The following KCNK13 variants were observed in gnomAD, a reference collection of about 807,000 sequenced individuals.
The protein encoded by KCNK13 is potassium two pore domain channel subfamily K member 13.
KCNK13 carries 12 observed loss-of-function variants against 23.4 expected under a neutral mutation model. The observed-to-expected ratio is 0.51, with a 90% confidence interval of 0.33 to 0.83. The LOEUF is 0.83. KCNK13 is among the 40% of genes least tolerant of loss of function. The pLI is 0.02. For synonymous variants in KCNK13, 231 were observed against 229.5 expected, an observed-to-expected ratio of 1.01 and a Z score of -0.06; for missense variants, 463 against 556.3, an observed-to-expected ratio of 0.83 and a Z score of 1.69.
In KCNK13 at chr14:90,119,021, C is replaced by G. The variant is rs767286276; in HGVS notation, c.334+56482C>G. ...AGAAACTGCTTTGAACACCTGTATG[C>G]ACACAAACTAGGAAACCTAAAGAAG... On this transcript the variant is annotated intron_variant, in intron 1 of 1. Transcript: ENST00000282146. Among the ~76,000 whole-genome samples, 36 of 152,188 alleles carry G rather than the reference C, an allele frequency of 2.4e-4. 1 individual carries two copies. Among genetic ancestry groups the G allele is most frequent in the Admixed American group, 6.5e-5 (1 of 15,276 alleles).
intron 1 of KCNK13, among the ~76,000 whole-genome samples, chr14:90,073,022 T>C (rs1286921): frequency 0.55 from 83,206 of 152,014 alleles, 24,476 homozygotes; most frequent in African/African-American, 0.77. Context: ...GCTTCTGTGC[T>C]CCGTCTGAAG....
chr14:90,070,405 C>A (rs970158203), intron 1 of KCNK13, among the ~76,000 whole-genome samples: 3 of 152,146 alleles, frequency 2.0e-5, no homozygotes, highest in Admixed American at 6.5e-5. Flanking sequence ...TCAACTAATT[C>A]TTCCCCCATT....
At chr14:90,074,001 G>A (rs865907355) in intron 1 of KCNK13, among the ~76,000 whole-genome samples, 2 of 149,508 alleles carry the variant, frequency 1.3e-5, no homozygotes, top group South Asian at 4.3e-4. Context: ...TTTGATGGGG[G>A]GACGGAGCCC....
chr14:90,108,718 ACT>A (rs1448154649), intron 1 of KCNK13, among the ~76,000 whole-genome samples: 2 of 152,106 alleles, frequency 1.3e-5, no homozygotes, highest in East Asian at 1.9e-4. Context: ...CGTGTAGAAC[ACT>A]CTGTTATTTA....
At chr14:90,064,252 G>T (rs1221567488) in intron 1 of KCNK13, among the ~76,000 whole-genome samples, 1 of 152,112 alleles carries the variant, frequency 6.6e-6, no homozygotes, top group Non-Finnish European at 1.5e-5. Context: ...GATTTTTTTA[G>T]ATTGAATGGT....
chr14:90,068,461 G>T (rs1889034370), intron 1 of KCNK13, among the ~76,000 whole-genome samples: 1 of 152,046 alleles, frequency 6.6e-6, no homozygotes, highest in Non-Finnish European at 1.5e-5. Flanking sequence ...AGCCAGGTGT[G>T]GTGGTGCAGG....
chr14:90,083,589 A>G (rs1269150463), intron 1 of KCNK13, among the ~76,000 whole-genome samples: 1 of 152,136 alleles, frequency 6.6e-6, no homozygotes, highest in Non-Finnish European at 1.5e-5. Flanking sequence ...GCCCACTTGG[A>G]TGGGATTAAT....
At chr14:90,087,989 A>G (rs1304104414) in intron 1 of KCNK13, among the ~76,000 whole-genome samples, 2 of 151,982 alleles carry the variant, frequency 1.3e-5, no homozygotes, top group Non-Finnish European at 2.9e-5. Context: ...GCTTAAGTTT[A>G]TTTATTTATT....
At chr14:90,179,635 T>A (rs1890463266) in intron 1 of KCNK13, among the ~76,000 whole-genome samples, 1 of 152,160 alleles carries the variant, frequency 6.6e-6, no homozygotes, top group Admixed American at 6.5e-5. Flanking sequence ...CGCCGTTGGT[T>A]CTCGATCCAC....
At chr14:90,137,326 T>C (rs2140426034) in intron 1 of KCNK13, among the ~76,000 whole-genome samples, 1 of 151,918 alleles carries the variant, frequency 6.6e-6, no homozygotes, top group African/African-American at 2.4e-5. Context: ...TATTTATTTT[T>C]ATTTATTTTT....
rs143774295 is a variant in KCNK13, at chr14:90,184,924, G to A, written c.1148G>A (p.Arg383Gln). 1.7e-5 allele frequency: 27 copies of A among 1,613,052 alleles called. No homozygotes were observed. Among genetic ancestry groups the A allele is most frequent in the Admixed American group, 1.0e-4 (6 of 59,984 alleles). Reference sequence around the variant, plus strand: ...CCCCACCAGACCAGCACACTGGCCCGGGACAATGAATTCTCAGGGGGGGTG... The same window carrying A: ...CCCCACCAGACCAGCACACTGGCCCAGGACAATGAATTCTCAGGGGGGGTG... Reference protein sequence around the residue: ...GCPHQTSTLARDNEFSGGVGA... With the variant: ...GCPHQTSTLAQDNEFSGGVGA... The change falls in exon 2 of 2, where the codon CGG becomes CAG. Residue 383 changes from arginine (R) to glutamine (Q), a missense_variant. By Grantham distance (43) the Arg-to-Gln change is conservative (BLOSUM62 1). Transcript: ENST00000282146. This position sits in a 1 kb window ranked among gnomAD's most constrained non-coding sequence, Gnocchi z 5.6.
intron 1 of KCNK13, among the ~76,000 whole-genome samples, chr14:90,096,275 T>C (rs1436803613): frequency 6.6e-6 from 1 of 152,242 alleles, no homozygotes; most frequent in Non-Finnish European, 1.5e-5. Flanking sequence ...AACTCTCTAA[T>C]CATGCCTTGG....
chr14:90,182,276 GGATGTTT>G (rs897966826), intron 1 of KCNK13, among the ~76,000 whole-genome samples: 2 of 152,152 alleles, frequency 1.3e-5, no homozygotes, highest in African/African-American at 4.8e-5. Flanking sequence ...ATGCACACCT[GGATGTTT>G]GGGAAAGGTG....
chr14:90,148,341 T>A (rs11849334), intron 1 of KCNK13, among the ~76,000 whole-genome samples: 9,896 of 152,282 alleles, frequency 0.065, 418 homozygotes, highest in South Asian at 0.21. Flanking sequence ...GCACCTCCCA[T>A]GTTATACATG....
At chr14:90,180,931 A>C (rs1890477735) in intron 1 of KCNK13, among the ~76,000 whole-genome samples, 1 of 151,970 alleles carries the variant, frequency 6.6e-6, no homozygotes, top group African/African-American at 2.4e-5. Flanking sequence ...ATCTTGGCTC[A>C]CTACAACCTC....
chr14:90,103,856 C>CCAGGCCCA (rs1325702578), intron 1 of KCNK13, among the ~76,000 whole-genome samples: 2 of 152,148 alleles, frequency 1.3e-5, no homozygotes, highest in African/African-American at 4.8e-5. Context: ...AGTCACTGCA[C>CCAGGCCCA]CAGGCCCAGA....
At chr14:90,119,591 G>A (rs1204399364) in intron 1 of KCNK13, among the ~76,000 whole-genome samples, 2 of 152,000 alleles carry the variant, frequency 1.3e-5, no homozygotes, top group African/African-American at 4.8e-5. Flanking sequence ...TAGGATGGCT[G>A]TCATTTTCTG....
At chr14:90,085,674 A>G (rs988498171) in intron 1 of KCNK13, among the ~76,000 whole-genome samples, 7 of 141,914 alleles carry the variant, frequency 4.9e-5, no homozygotes, top group African/African-American at 1.0e-4. Context: ...AAAAATATAT[A>G]TATATATTTT....
chr14:90,145,117 A>T (rs1890058321), intron 1 of KCNK13, among the ~76,000 whole-genome samples: 1 of 152,134 alleles, frequency 6.6e-6, no homozygotes, highest in African/African-American at 2.4e-5. Flanking sequence ...AATATTAAAC[A>T]AATAGAAAGG....
Sources: gnomAD v4.1 joint callset for allele counts (sites outside exome capture counted in the v4.1 genomes callset) on GRCh38, gnomAD v4.1.1 for gene constraint, Gnocchi (gnomAD v3.1) non-coding constraint, MANE v1.5 for transcripts, NCBI Gene and HGNC (gene_info 2026-07-23, HGNC 2026-07-21) for gene names.